Variants in LIN52 observed in about 807,000 individuals in gnomAD.
The protein encoded by LIN52 is lin-52 DREAM MuvB core complex component.
LIN52 carries 4 observed loss-of-function variants against 18.5 expected under a neutral mutation model. The observed-to-expected ratio is 0.22, with a 90% CI of 0.11 to 0.49. LIN52 has a LOEUF of 0.49. Among genes scored for constraint, LIN52 ranks in the 20% least tolerant of loss-of-function variants. The probability of loss-of-function intolerance (pLI) is 0.97; values close to 1 mark genes in which losing one functional copy is unlikely to be tolerated. For missense variants in LIN52, 102 were observed against 139.5 expected, an observed-to-expected ratio of 0.73 and a Z score of 1.35; for synonymous variants, 34 against 45.5, an observed-to-expected ratio of 0.75 and a Z score of 1.02.
chr14:74,161,185 A>C (rs939709210), intron 5 of LIN52, among the ~76,000 whole-genome samples: 1 of 151,844 alleles, frequency 6.6e-6, no homozygotes, highest in Non-Finnish European at 1.5e-5. Flanking sequence ...ACAGGGAAAA[A>C]TTTATTTATT....
intron 5 of LIN52, among the ~76,000 whole-genome samples, chr14:74,122,137 G>A (rs746498534): frequency 6.6e-5 from 10 of 152,170 alleles, no homozygotes; most frequent in Non-Finnish European, 1.3e-4. Context: ...TAACCAAAAA[G>A]GAGAATATTG....
intron 5 of LIN52, among the ~76,000 whole-genome samples, chr14:74,183,358 C>T (rs2061327452): frequency 6.6e-6 from 1 of 152,128 alleles, no homozygotes; most frequent in Non-Finnish European, 1.5e-5. Context: ...CTCGGCCTCC[C>T]AAAGTGCTGG....
chr14:74,093,840 G>A (rs550584015), intron 2 of LIN52, among the ~76,000 whole-genome samples: 17 of 152,270 alleles, frequency 1.1e-4, no homozygotes, highest in African/African-American at 3.9e-4. Context: ...GGTGGCACAT[G>A]CCTGTAATCC....
At chr14:74,171,569 A>G (rs1196713876) in intron 5 of LIN52, among the ~76,000 whole-genome samples, 1 of 152,086 alleles carries the variant, frequency 6.6e-6, no homozygotes. Flanking sequence ...GTTATGAACT[A>G]GAAGGAAAAC....
At chr14:74,150,571 GGTGGTAATGATTCTCTATGTACCTATAT>G (rs1256824881) in intron 5 of LIN52, among the ~76,000 whole-genome samples, 2 of 152,042 alleles carry the variant, frequency 1.3e-5, no homozygotes, top group Non-Finnish European at 1.5e-5. Context: ...CTTCTGCAGT[GGTGGTAATGATTCTCTATGTACCTATAT>G]GTGGTTGTTA....
At chr14:74,135,519 T>A (rs959921528) in intron 5 of LIN52, among the ~76,000 whole-genome samples, 3 of 151,548 alleles carry the variant, frequency 2.0e-5, no homozygotes, top group Non-Finnish European at 2.9e-5. Context: ...CTGCTTACAT[T>A]CCTTTTTGAC....
In LIN52 at chr14:74,139,702, G is replaced by T. The variant is rs182206307; in HGVS notation, c.283+38464G>T. Reference sequence around the variant, plus strand: ...TCCAGTATGGAGAAGAGAAACACTTGGATTTCTGATTTGTGTATGTTTACC... The same window carrying T: ...TCCAGTATGGAGAAGAGAAACACTTTGATTTCTGATTTGTGTATGTTTACC... On this transcript the variant is annotated intron_variant, in intron 5 of 5. Transcript: ENST00000555028. 1.7e-3 allele frequency among the ~76,000 whole-genome samples: 252 copies of T among 152,218 alleles called. 1 individual carries two copies. Among genetic ancestry groups the T allele is most frequent in the Admixed American group, 2.7e-3 (42 of 15,286 alleles).
chr14:74,154,528 T>C (rs2061191093), intron 5 of LIN52, among the ~76,000 whole-genome samples: 1 of 152,246 alleles, frequency 6.6e-6, no homozygotes, highest in Non-Finnish European at 1.5e-5. Context: ...TAATTCTGGC[T>C]AGAAGTAAGA....
chr14:74,196,716 C>G (rs916112452), intron 5 of LIN52, among the ~76,000 whole-genome samples: 1 of 152,178 alleles, frequency 6.6e-6, no homozygotes, highest in African/African-American at 2.4e-5. Context: ...TTCATTCATT[C>G]ACTCACTCAG....
At chr14:74,137,235 C>G (rs556045376) in intron 5 of LIN52, among the ~76,000 whole-genome samples, 1 of 150,112 alleles carries the variant, frequency 6.7e-6, no homozygotes, top group South Asian at 2.1e-4. Context: ...AAGTAAATTT[C>G]AGACATCATG....
chr14:74,097,425 C>CTTTTTTTT (rs35249058), intron 3 of LIN52, among the ~76,000 whole-genome samples: 1 of 133,574 alleles, frequency 7.5e-6, no homozygotes, highest in African/African-American at 2.8e-5. Flanking sequence ...TTTTCTTTTT[C>CTTTTTTTT]TTTTTTTTTT....
At chr14:74,196,501 G>A (rs2078913045) in intron 5 of LIN52, among the ~76,000 whole-genome samples, 1 of 152,104 alleles carries the variant, frequency 6.6e-6, no homozygotes, top group Admixed American at 6.5e-5. Flanking sequence ...GGTTTCCAGA[G>A]CTCCTGCTTC....
intron 5 of LIN52, 132 bp from the exon 6 acceptor site, chr14:74,198,787 GTGA>G: frequency 1.5e-6 from 1 of 672,150 alleles, no homozygotes; most frequent in Non-Finnish European, 2.6e-6. Flanking sequence ...AGGTTAGTTG[GTGA>G]TGATTGAATC....
chr14:74,196,643 A>G (rs774618186), intron 5 of LIN52, among the ~76,000 whole-genome samples: 6 of 152,136 alleles, frequency 3.9e-5, no homozygotes, highest in Admixed American at 6.5e-5. Context: ...GCTGAGGGAA[A>G]AGATTCCAAG....
At chr14:74,151,414 T>G (rs2061176389) in intron 5 of LIN52, among the ~76,000 whole-genome samples, 1 of 152,116 alleles carries the variant, frequency 6.6e-6, no homozygotes, top group Non-Finnish European at 1.5e-5. Flanking sequence ...TGTCATATAT[T>G]TAGGAAGATT....
At chr14:74,172,817 G>T (rs2061277381) in intron 5 of LIN52, among the ~76,000 whole-genome samples, 1 of 152,154 alleles carries the variant, frequency 6.6e-6, no homozygotes, top group Admixed American at 6.5e-5. Flanking sequence ...TAACTAGTGT[G>T]GTGATTATGG....
intron 5 of LIN52, among the ~76,000 whole-genome samples, chr14:74,137,839 G>T (rs1210317393): frequency 6.6e-6 from 1 of 151,954 alleles, no homozygotes; most frequent in Non-Finnish European, 1.5e-5. Flanking sequence ...GCTTTTTCCT[G>T]TGGTGAACAT....
At chr14:74,146,195 T>C (rs2139550252) in intron 5 of LIN52, among the ~76,000 whole-genome samples, 1 of 152,292 alleles carries the variant, frequency 6.6e-6, no homozygotes, top group Admixed American at 6.5e-5. Context: ...GAAGTATGTA[T>C]TTTTCTCTCT....
At chr14:74,086,244 TTTAA>T (rs1566841316) in intron 1 of LIN52, among the ~76,000 whole-genome samples, 1 of 152,240 alleles carries the variant, frequency 6.6e-6, no homozygotes, top group African/African-American at 2.4e-5. Flanking sequence ...ACAGTAGGTC[TTTAA>T]TTAACATTTA....
Sources: allele counts gnomAD v4.1 joint callset (sites outside exome capture counted in the v4.1 genomes callset), GRCh38; gene constraint gnomAD v4.1.1; transcripts MANE v1.5; gene names NCBI Gene and HGNC (gene_info 2026-07-23, HGNC 2026-07-21).